NXPH1: variants seen among roughly 807,000 people sequenced by gnomAD.
NXPH1 encodes the protein neurexophilin-1.
Under a neutral mutation model 23.7 loss-of-function variants are expected in NXPH1, and 5 were observed. That is an observed-to-expected ratio of 0.21 (90% CI 0.11 to 0.44). NXPH1 has a LOEUF of 0.44. Ranked by LOEUF, NXPH1 falls within the 20% of genes least tolerant of loss-of-function variation. The pLI is 0.99. For missense variants in NXPH1, 324 were observed against 321.6 expected (o/e 1.01, Z -0.06); for synonymous variants, 144 against 122.2 (o/e 1.18, Z -1.18).
intron 2 of NXPH1, among the ~76,000 whole-genome samples, chr7:8,570,413 A>G (rs1584239392): frequency 6.6e-6 from 1 of 151,998 alleles, no homozygotes; most frequent in African/African-American, 2.4e-5. Flanking sequence ...GAGGGATAGA[A>G]TAGTACTTAC....
intron 2 of NXPH1, among the ~76,000 whole-genome samples, chr7:8,632,272 A>G (rs1820147569): frequency 6.6e-6 from 1 of 152,188 alleles, no homozygotes; most frequent in African/African-American, 2.4e-5. Flanking sequence ...AGCTTGAAGC[A>G]AGATTGAAGA....
intron 2 of NXPH1, among the ~76,000 whole-genome samples, chr7:8,635,021 A>G (rs772897423): frequency 1.3e-5 from 2 of 152,160 alleles, no homozygotes; most frequent in African/African-American, 2.4e-5. Flanking sequence ...ATGTAGCTAT[A>G]ATACTGGGAG....
chr7:8,496,964 A>T lies in NXPH1; in HGVS notation c.54+61197A>T, dbSNP rs182041861. ...TACATGTGCCATGTTGGTGTGCTGCACCCATTAACTGGTCATTTACATTAG... is the reference window on the plus strand; with the variant it reads ...TACATGTGCCATGTTGGTGTGCTGCTCCCATTAACTGGTCATTTACATTAG... On this transcript the variant is annotated intron_variant, in intron 2 of 2. Coordinates refer to ENST00000405863, the MANE Select transcript of NXPH1 (RefSeq NM_152745.3). 1.5e-4 allele frequency among the ~76,000 whole-genome samples: 23 copies of T among 152,164 alleles called. No individual in the cohort carries two copies. The Middle Eastern group carries it at 0.014, about 90-fold the overall frequency.
intron 2 of NXPH1, among the ~76,000 whole-genome samples, chr7:8,457,542 G>A (rs944460414): frequency 6.9e-6 from 1 of 145,702 alleles, no homozygotes; most frequent in Non-Finnish European, 1.5e-5. Context: ...CTAATTCTTA[G>A]TTTTTTTTTT....
At chr7:8,448,233 G>C (rs532076388) in intron 2 of NXPH1, among the ~76,000 whole-genome samples, 1 of 152,324 alleles carries the variant, frequency 6.6e-6, no homozygotes, top group African/African-American at 2.4e-5. Context: ...AGAATTCACA[G>C]AGTTAATGTA....
chr7:8,617,750 A>G (rs538287320), intron 2 of NXPH1, among the ~76,000 whole-genome samples: 1 of 152,174 alleles, frequency 6.6e-6, no homozygotes, highest in African/African-American at 2.4e-5. Context: ...GGGTGACTAT[A>G]GTCAATAATA....
intron 2 of NXPH1, among the ~76,000 whole-genome samples, chr7:8,572,328 A>G (rs2128622305): frequency 6.6e-6 from 1 of 152,138 alleles, no homozygotes; most frequent in East Asian, 1.9e-4. Context: ...TTATGTAGAA[A>G]TTTAAAGCAG....
At chr7:8,449,971 A>G (rs1816476576) in intron 2 of NXPH1, among the ~76,000 whole-genome samples, 1 of 152,222 alleles carries the variant, frequency 6.6e-6, no homozygotes, top group East Asian at 1.9e-4. Flanking sequence ...CATGTGGGAC[A>G]CAAGCATTTT....
At chr7:8,704,151 GT>G (rs1779669549) in intron 2 of NXPH1, among the ~76,000 whole-genome samples, 1 of 151,982 alleles carries the variant, frequency 6.6e-6, no homozygotes, top group Non-Finnish European at 1.5e-5. Context: ...GTTTTAGTTT[GT>G]TTAGTATTTT....
intron 2 of NXPH1, among the ~76,000 whole-genome samples, chr7:8,733,703 C>A (rs553442498): frequency 8.7e-4 from 133 of 152,088 alleles, no homozygotes; most frequent in African/African-American, 2.8e-3. Flanking sequence ...CTGTTCATAT[C>A]CTTTGCCCAC....
At chr7:8,468,816 G>T (rs1816825579) in intron 2 of NXPH1, among the ~76,000 whole-genome samples, 2 of 152,042 alleles carry the variant, frequency 1.3e-5, no homozygotes, top group Admixed American at 6.6e-5. Flanking sequence ...AGTTGTGCTA[G>T]TGTAAAAGAC....
At chr7:8,625,620 A>G (rs1420454243) in intron 2 of NXPH1, among the ~76,000 whole-genome samples, 2 of 152,264 alleles carry the variant, frequency 1.3e-5, no homozygotes, top group Non-Finnish European at 2.9e-5. Flanking sequence ...TTAGAAATCT[A>G]CCAGCTCCTT....
chr7:8,738,414 C>T (rs1488514864), intron 2 of NXPH1, among the ~76,000 whole-genome samples: 1 of 152,150 alleles, frequency 6.6e-6, no homozygotes, highest in Non-Finnish European at 1.5e-5. Context: ...GCTGGAGGTC[C>T]ACTCCAGACC....
intron 2 of NXPH1, among the ~76,000 whole-genome samples, chr7:8,699,053 CA>C (rs1779579485): frequency 6.6e-6 from 1 of 152,056 alleles, no homozygotes; most frequent in African/African-American, 2.4e-5. Context: ...TTTAGTGATA[CA>C]AATAATTACA....
At chr7:8,616,258 A>T (rs1384006776) in intron 2 of NXPH1, among the ~76,000 whole-genome samples, 1 of 147,178 alleles carries the variant, frequency 6.8e-6, no homozygotes, top group Non-Finnish European at 1.5e-5. Context: ...TTCATTTTGA[A>T]GTCTTTTGAT....
chr7:8,629,170 C>T (rs1820066544), intron 2 of NXPH1, among the ~76,000 whole-genome samples: 1 of 151,872 alleles, frequency 6.6e-6, no homozygotes, highest in Non-Finnish European at 1.5e-5. Flanking sequence ...ATTTTATGGT[C>T]ACAGAAATAA....
At chr7:8,583,332 C>A (rs1023765357) in intron 2 of NXPH1, among the ~76,000 whole-genome samples, 1 of 152,224 alleles carries the variant, frequency 6.6e-6, no homozygotes. Context: ...TGAATCCTGG[C>A]ACAGCCATTT....
rs1313365498 is a variant in NXPH1, at chr7:8,635,809, T to C, written c.55-115199T>C. 4.6e-5 allele frequency among the ~76,000 whole-genome samples: 7 copies of C among 152,200 alleles called. No homozygotes were observed. In the South Asian group the frequency reaches 8.3e-4, roughly 18 times the overall value. On this transcript the variant is annotated intron_variant, in intron 2 of 2. Coordinates refer to ENST00000405863, the MANE Select transcript of NXPH1 (RefSeq NM_152745.3). ...TTCTTTTTTTGACAATTAAAAAAGT[T>C]TGGTCCAACTGAATTTAGAATATAT...
intron 2 of NXPH1, among the ~76,000 whole-genome samples, chr7:8,561,297 A>T (rs1414283020): frequency 1.3e-5 from 2 of 149,394 alleles, no homozygotes; most frequent in Non-Finnish European, 3.0e-5. Context: ...GCCCTTAGGT[A>T]GGGTCTCCTT....
Sources: gnomAD v4.1 joint callset for allele counts (sites outside exome capture counted in the v4.1 genomes callset) on GRCh38, gnomAD v4.1.1 for gene constraint, MANE v1.5 for transcripts, NCBI Gene and HGNC (gene_info 2026-07-23, HGNC 2026-07-21) for gene names.